The following NLGN2 variants were observed in gnomAD, a reference collection of about 807,000 sequenced individuals.
NLGN2 encodes the protein neuroligin 2, also known as neuroligin-2.
Under a neutral mutation model 48.6 loss-of-function variants are expected in NLGN2, and 11 were observed. That is an observed-to-expected ratio of 0.23 (90% CI 0.14 to 0.37). NLGN2 has a LOEUF of 0.37. Ranked by LOEUF, NLGN2 falls within the 10% of genes least tolerant of loss-of-function variation. NLGN2 has a pLI of 1.00. For missense variants in NLGN2, 801 were observed against 1,225.2 expected (o/e 0.65, Z 5.17); for synonymous variants, 548 against 550.0 (o/e 1.00, Z 0.05).
chr17:7,416,119 A>C lies in NLGN2; in HGVS notation c.1634+12A>C. On this transcript the variant is annotated intron_variant, in intron 6 of 6. Transcript: ENST00000302926. ...TTCGCCAAGACTGGGTGAGGGCCAGAGGGGCTGGGCGGGGCTGGGCGGGGC... is the reference window on the plus strand; with the variant it reads ...TTCGCCAAGACTGGGTGAGGGCCAGCGGGGCTGGGCGGGGCTGGGCGGGGC... 4.3e-6 allele frequency: 2 copies of C among 462,752 alleles called. No homozygotes were observed. Among genetic ancestry groups the C allele is most frequent in the African/African-American group, 5.3e-5 (2 of 37,624 alleles). The allele number at this position is 462,752 out of a possible 1,614,324, so 28.7% of individuals were successfully genotyped here.
chr17:7,418,032 A>AT lies in NLGN2; in HGVS notation c.*235dup. On this transcript the variant is annotated 3_prime_UTR_variant, in exon 7 of 7. Coordinates refer to ENST00000302926, the MANE Select transcript of NLGN2 (RefSeq NM_020795.4). Reference sequence around the variant, plus strand: ...AACTGGGGGGCGTTTTCTCCCCCCCATTGGGACACCAGTCTTCGGTGTGTG... The same window carrying AT: ...AACTGGGGGGCGTTTTCTCCCCCCCATTTGGGACACCAGTCTTCGGTGTGTG... 2.9e-6 allele frequency: 1 copy of AT among 339,242 alleles called. No homozygotes were observed. Among genetic ancestry groups the AT allele is most frequent in the Non-Finnish European group, 5.3e-6 (1 of 187,628 alleles). The allele number at this position is 339,242 out of a possible 1,614,324, so 21.0% of individuals were successfully genotyped here. A position where few individuals can be genotyped will look rare whatever the true frequency, so the allele number is the denominator to read the frequency against.
At position 7,408,728 on chromosome 17, in the gene NLGN2, C is replaced by T; in HGVS notation, c.457+16C>T. 6.2e-7 allele frequency: 1 copy of T among 1,612,360 alleles called. No homozygotes were observed. The highest frequency in any genetic ancestry group is 1.1e-5 in the South Asian group (1 of 91,070). ...ACCGAGGACGGTAAGGGCGCGGGCA[C>T]AAAGCCGGGCACCCCGTGGACACAG... On this transcript the variant is annotated intron_variant, in intron 1 of 6. Transcript: ENST00000302926. The surrounding 1 kb of genome is among the most constrained non-coding windows in gnomAD (Gnocchi z 7.5).
intron 1 of NLGN2, among the ~76,000 whole-genome samples, chr17:7,410,416 G>A (rs150064311): frequency 1.3e-4 from 20 of 151,836 alleles, no homozygotes; most frequent in African/African-American, 1.7e-4. Flanking sequence ...CATGCCCCAC[G>A]TGCCCCCCAG....
Position 7,416,987 on chromosome 17 carries a change from G to A in NLGN2, c.1696G>A (p.Glu566Lys), listed in dbSNP as rs754926986. 1.9e-6 allele frequency: 3 copies of A among 1,614,096 alleles called. No individual in the cohort carries two copies. The highest frequency in any genetic ancestry group is 3.3e-5 in the Admixed American group (2 of 59,996). Residue 566 changes from glutamate to lysine, a missense_variant, in exon 7 of 7, where the codon GAG becomes AAG. This residue lies in a region of NLGN2 where 303 missense variants were observed against 600.1 expected (regional missense o/e 0.50). Transcript: ENST00000302926. ...CATCCACACCAAGCCCAATCGCTTC[G>A]AGGAGGTGGTGTGGAGCAAATTCAA... is the stretch of plus-strand genomic sequence containing the variant. ...KFIHTKPNRF[E>K]EVVWSKFNSK...
chr17:7,411,747 A>G lies in NLGN2; in HGVS notation c.458-410A>G, dbSNP rs1284629642. On this transcript the variant is annotated intron_variant, in intron 1 of 6. Transcript: ENST00000302926. The surrounding 1 kb of genome is among the most constrained non-coding windows in gnomAD (Gnocchi z 4.5). ...GGTGGCAAGCTGGCCTTGGTCTCCCAGGGGCTCTGGGTGGGCTTCCCCTCC... is the reference window on the plus strand; with the variant it reads ...GGTGGCAAGCTGGCCTTGGTCTCCCGGGGGCTCTGGGTGGGCTTCCCCTCC... Among the ~76,000 whole-genome samples, 1 of 152,124 alleles carries G rather than the reference A, an allele frequency of 6.6e-6. No individual in the cohort carries two copies. The highest frequency in any genetic ancestry group is 6.5e-5 in the Admixed American group (1 of 15,274).
chr17:7,409,094 C>T (rs1258352844), intron 1 of NLGN2, among the ~76,000 whole-genome samples: 1 of 152,092 alleles, frequency 6.6e-6, no homozygotes, highest in Non-Finnish European at 1.5e-5. Flanking sequence ...AACCTTGCCC[C>T]GCCTCCCGCC....
At position 7,408,816 on chromosome 17, in the gene NLGN2, TTGTG is replaced by T; in HGVS notation, c.457+105_457+108del. On this transcript the variant is annotated intron_variant, in intron 1 of 6. Transcript: ENST00000302926. The surrounding 1 kb of genome is among the most constrained non-coding windows in gnomAD (Gnocchi z 7.5). Reference sequence around the variant, plus strand: ...CGCTCTAGGGCTCAGAGCTGGGCCTTTGTGGGGGCAGTGAGGGACGGAGTGTCCC... The same window carrying T: ...CGCTCTAGGGCTCAGAGCTGGGCCTTGGGGCAGTGAGGGACGGAGTGTCCC... The T allele has an allele frequency of 6.3e-7, 1 of 1,593,138 alleles. No homozygotes were observed. Among genetic ancestry groups the T allele is most frequent in the Non-Finnish European group, 8.5e-7 (1 of 1,170,436 alleles).
intron 2 of NLGN2, among the ~76,000 whole-genome samples, chr17:7,412,753 A>G (rs563778057): frequency 6.6e-6 from 1 of 152,188 alleles, no homozygotes; most frequent in Middle Eastern, 3.4e-3. Context: ...AGGGCCCAAT[A>G]TCTTGAAGTT....
intron 2 of NLGN2, 26 bp downstream of exon 2, chr17:7,412,233 A>G: frequency 6.2e-7 from 1 of 1,601,894 alleles, no homozygotes; most frequent in Non-Finnish European, 8.6e-7. Flanking sequence ...CCGCTGCTGC[A>G]TGTGGTTGCT....
Position 7,408,421 on chromosome 17 carries a change from C to T in NLGN2, c.166C>T (p.Arg56Cys), listed in dbSNP as rs1906744181. 12 of 1,568,286 alleles carry T rather than the reference C, an allele frequency of 7.7e-6. No homozygotes were observed. Among genetic ancestry groups the T allele is most frequent in the Non-Finnish European group, 9.5e-6 (11 of 1,161,406 alleles). The change falls in exon 1 of 7, where the codon CGC becomes TGC. Residue 56 changes from arginine to cysteine, a missense_variant. By Grantham distance (180) the Arg-to-Cys change is radical (BLOSUM62 -3). Around this residue, in one of 5 missense-constraint regions of NLGN2, gnomAD observed 164 missense variants for 186.2 expected, o/e 0.88. Coordinates refer to ENST00000302926, the MANE Select transcript of NLGN2 (RefSeq NM_020795.4). The surrounding 1 kb of genome is among the most constrained non-coding windows in gnomAD (Gnocchi z 7.5). ...TAYGRVRGVRRELNNEILGPV... is the reference protein window; with the variant it reads ...TAYGRVRGVRCELNNEILGPV... ...CTACGGGCGAGTGCGCGGTGTGCGG[C>T]GCGAGCTCAACAACGAGATCCTGGG...
At chr17:7,414,126 C>T (rs761873168) in intron 2 of NLGN2, among the ~76,000 whole-genome samples, 2 of 151,878 alleles carry the variant, frequency 1.3e-5, no homozygotes, top group Admixed American at 6.6e-5. Context: ...AGAAGTGCCG[C>T]GGGGAAGGCT....
intron 5 of NLGN2, 130 bp from the exon 6 acceptor site, chr17:7,415,381 C>T: frequency 1.0e-6 from 1 of 954,254 alleles, no homozygotes; most frequent in Non-Finnish European, 1.7e-6. Context: ...CCAAAGGACC[C>T]ACTGGAGGAT....
chr17:7,414,937 G>C lies in NLGN2; in HGVS notation c.845-19G>C. 6.2e-7 allele frequency: 1 copy of C among 1,613,072 alleles called. No homozygotes were observed. The highest frequency in any genetic ancestry group is 8.5e-7 in the Non-Finnish European group (1 of 1,179,986). Reference sequence around the variant, plus strand: ...GGCCGGTACTCACAGCCTGGCCTGAGGTCTGCCTGTCCCGCCAGGGCTGTT... The same window carrying C: ...GGCCGGTACTCACAGCCTGGCCTGACGTCTGCCTGTCCCGCCAGGGCTGTT... On this transcript the variant is annotated intron_variant, in intron 4 of 6. Transcript: ENST00000302926.
Position 7,410,834 on chromosome 17 carries a change from A to G in NLGN2, c.458-1323A>G, listed in dbSNP as rs144811469. ...CTCAGGCGCGCGCGCGCACACACAC[A>G]CGCGCTTCATAGACTCACGTGCACA... On this transcript the variant is annotated intron_variant, in intron 1 of 6. Coordinates refer to ENST00000302926, the MANE Select transcript of NLGN2 (RefSeq NM_020795.4). Among the ~76,000 whole-genome samples the G allele has an allele frequency of 9.7e-3, 1,470 of 152,026 alleles. 14 individuals are homozygous for G. Among genetic ancestry groups the G allele is most frequent in the African/African-American group, 0.033 (1,348 of 41,416 alleles).
chr17:7,418,234 T>A lies in NLGN2; in HGVS notation c.*435T>A. On this transcript the variant is annotated 3_prime_UTR_variant, in exon 7 of 7. Coordinates refer to ENST00000302926, the MANE Select transcript of NLGN2 (RefSeq NM_020795.4). ...CCATCCCTTCTCCCACCTCCTCCCC[T>A]CTCCCTCCCCCTGGAGACCCTGGAA... The A allele has an allele frequency of 6.8e-6, 1 of 146,916 alleles. No individual in the cohort carries two copies. Among genetic ancestry groups the A allele is most frequent in the Non-Finnish European group, 1.5e-5 (1 of 66,822 alleles). 9.1% of individuals were successfully genotyped at this position (146,916 alleles called of 1,614,324 possible).
At chr17:7,416,386 A>T (rs1416422808) in intron 6 of NLGN2, among the ~76,000 whole-genome samples, 2 of 75,312 alleles carry the variant, frequency 2.7e-5, no homozygotes, top group African/African-American at 6.9e-5. Context: ...CGACCCCCCT[A>T]GGGCTCTGCA....
At chr17:7,412,934 T>C (rs934852776) in intron 2 of NLGN2, among the ~76,000 whole-genome samples, 5 of 152,218 alleles carry the variant, frequency 3.3e-5, no homozygotes, top group Non-Finnish European at 5.9e-5. Context: ...ATCCTGTTTT[T>C]GTTGTTGGTT....
intron 6 of NLGN2, 113 bp downstream of exon 6, chr17:7,416,220 A>G (rs543102509): frequency 1.2e-6 from 1 of 816,656 alleles, no homozygotes; most frequent in East Asian, 2.6e-5. Context: ...GAGTGAAACC[A>G]ACCCAGACAC....
upstream of NLGN2, among the ~76,000 whole-genome samples, chr17:7,406,653 C>CGG (rs71157283): frequency 0.15 from 13,628 of 89,776 alleles, 1,091 homozygotes; most frequent in Middle Eastern, 0.25. Context: ...GGTGGGGGGG[C>CGG]GGGGGGGGGG....
Sources: gnomAD v4.1 joint callset for allele counts (sites outside exome capture counted in the v4.1 genomes callset) on GRCh38, gnomAD v4.1.1 for gene constraint, gnomAD v4.1.1 regional missense constraint, Gnocchi (gnomAD v3.1) non-coding constraint, MANE v1.5 for transcripts, NCBI Gene and HGNC (gene_info 2026-07-23, HGNC 2026-07-21) for gene names.